Variants in BTAF1 observed in about 807,000 individuals in gnomAD.
BTAF1 encodes the protein B-TFIID TATA-box binding protein associated factor 1, also known as TATA-binding protein-associated factor 172.
In BTAF1, 38 loss-of-function variants were observed where a neutral mutation model predicts 227.1. That is an observed-to-expected ratio of 0.17 (90% CI 0.13 to 0.22). The LOEUF is 0.22. Among genes scored for constraint, BTAF1 ranks in the 10% least tolerant of loss-of-function variants. BTAF1 has a pLI of 1.00. For missense variants in BTAF1, 1,598 were observed against 2,204.0 expected (o/e 0.73, Z 5.51); for synonymous variants, 742 against 751.9 (o/e 0.99, Z 0.21).
At chr10:92,012,890 T>G (rs944704247) in intron 30 of BTAF1, among the ~76,000 whole-genome samples, 5 of 152,202 alleles carry the variant, frequency 3.3e-5, no homozygotes, top group African/African-American at 1.2e-4. Context: ...TCATAGTAAT[T>G]TAAAGTATGT....
intron 14 of BTAF1, 34 bp from the exon 15 acceptor site, chr10:91,980,420 A>T: frequency 6.8e-7 from 1 of 1,474,674 alleles, no homozygotes; most frequent in Non-Finnish European, 9.5e-7. Flanking sequence ...CAAGAATTAT[A>T]TGCTACAGCT....
At chr10:91,962,410 A>G (rs1000471533) in intron 11 of BTAF1, 128 bp from the exon 12 acceptor site, 2 of 593,696 alleles carry the variant, frequency 3.4e-6, no homozygotes, top group Non-Finnish European at 5.8e-6. Context: ...GAATGTATCC[A>G]TTGTTAAGCA....
intron 5 of BTAF1, among the ~76,000 whole-genome samples, chr10:91,953,198 T>G (rs905316824): frequency 6.6e-6 from 1 of 152,146 alleles, no homozygotes; most frequent in African/African-American, 2.4e-5. Flanking sequence ...AGGCTTGAGC[T>G]TAAAAATCTA....
Position 92,008,255 on chromosome 10 carries a change from G to T in BTAF1, c.3793G>T (p.Glu1265Ter). The T allele has an allele frequency of 6.3e-7, 1 of 1,578,750 alleles. No individual in the cohort carries two copies. Among genetic ancestry groups the T allele is most frequent in the South Asian group, 1.2e-5 (1 of 84,374 alleles). ...TAAAATTCCAGTACCAATCAATGCT[G>T]AACTCAGAAAATATCAGCAGGTAAG... ...NYKIPVPINA[E>*]LRKYQQDGVN... The change falls in exon 26 of 38, where the codon GAA becomes TAA. Residue 1265 changes from glutamate (E) to a stop codon, truncating the protein, a stop_gained. Transcript: ENST00000265990. LOFTEE classifies it high-confidence loss of function.
At chr10:91,976,326 GT>G (rs1276273910) in intron 14 of BTAF1, among the ~76,000 whole-genome samples, 1 of 152,164 alleles carries the variant, frequency 6.6e-6, no homozygotes, top group East Asian at 1.9e-4. Context: ...AAATGTAGGT[GT>G]TTTATGGAGA....
At chr10:91,999,891 A>G (rs552231566) in intron 25 of BTAF1, among the ~76,000 whole-genome samples, 2 of 152,314 alleles carry the variant, frequency 1.3e-5, no homozygotes, top group Non-Finnish European at 2.9e-5. Context: ...TGATAAAGGT[A>G]TAAAGAAAAA....
chr10:91,991,797 G>GTGTA (rs1554860529), intron 20 of BTAF1, among the ~76,000 whole-genome samples: 179 of 9,908 alleles, frequency 0.018, no homozygotes, highest in African/African-American at 0.031. Flanking sequence ...GTGTGTGTGT[G>GTGTA]TATATATATA....
At chr10:91,959,269 A>C in intron 9 of BTAF1, 115 bp downstream of exon 9, 1 of 1,531,826 alleles carries the variant, frequency 6.5e-7, no homozygotes, top group Non-Finnish European at 8.8e-7. Flanking sequence ...AATAAGAGGA[A>C]GAGATATGAA....
At position 91,951,429 on chromosome 10, in the gene BTAF1, G is replaced by A. The variant is rs200818222; in HGVS notation, c.427G>A (p.Ala143Thr). 1.2e-6 allele frequency: 2 copies of A among 1,612,558 alleles called. No homozygotes were observed. The highest frequency in any genetic ancestry group is 1.7e-6 in the Non-Finnish European group (2 of 1,179,546). ...SGEVDPKERI[A>T]RQRKLLQKKL... ...TGAAGTGGATCCTAAAGAGAGGATA[G>A]CACGCCAACGAAAATTATTACAGAA... Residue 143 changes from alanine to threonine, a missense_variant, in exon 5 of 38, where the codon GCA becomes ACA. Coordinates refer to ENST00000265990, the MANE Select transcript of BTAF1 (RefSeq NM_003972.3).
At chr10:91,986,549 GTT>G (rs11314626) in intron 19 of BTAF1, among the ~76,000 whole-genome samples, 3 of 152,020 alleles carry the variant, frequency 2.0e-5, no homozygotes, top group Non-Finnish European at 4.4e-5. Context: ...TAAAATTGCT[GTT>G]TTTTTTCCCC....
chr10:91,981,983 G>T, intron 16 of BTAF1, 100 bp from the exon 17 acceptor site: 1 of 1,419,812 alleles, frequency 7.0e-7, no homozygotes, highest in East Asian at 2.5e-5. Flanking sequence ...GAAAAGAACT[G>T]TATTTTACTG....
intron 4 of BTAF1, among the ~76,000 whole-genome samples, chr10:91,945,334 G>A (rs551641314): frequency 9.2e-5 from 14 of 151,886 alleles, no homozygotes; most frequent in Non-Finnish European, 1.5e-4. Flanking sequence ...ATCCTTAACC[G>A]TTTTTAAAAC....
rs1184729919 is a variant in BTAF1, at chr10:92,031,198, G to T, written c.*2265G>T. The stretch of plus-strand genomic sequence containing the variant: ...CAGAGATTATTAGTCTTATCATTTG[G>T]GTTTCTTGTAGGAAAATCTTAACAT... On this transcript the variant is annotated 3_prime_UTR_variant, in exon 38 of 38. Transcript: ENST00000265990. Among the ~76,000 whole-genome samples, 3 of 152,012 alleles carry T rather than the reference G, an allele frequency of 2.0e-5. No homozygotes were observed. Among genetic ancestry groups the T allele is most frequent in the African/African-American group, 7.3e-5 (3 of 41,362 alleles).
At chr10:91,986,389 G>A (rs1476449578) in intron 19 of BTAF1, among the ~76,000 whole-genome samples, 2 of 152,120 alleles carry the variant, frequency 1.3e-5, no homozygotes, top group East Asian at 1.9e-4. Flanking sequence ...GTATATATGA[G>A]TTCTTCCTTT....
chr10:91,953,790 T>G lies in BTAF1; in HGVS notation c.618T>G (p.Asn206Lys). The G allele has an allele frequency of 6.2e-7, 1 of 1,614,052 alleles. No homozygotes were observed. Among genetic ancestry groups the G allele is most frequent in the Non-Finnish European group, 8.5e-7 (1 of 1,179,954 alleles). The stretch of plus-strand genomic sequence containing the variant: ...CAGAGTTTCGAGCAGGAATGAGCAA[T>G]AGACAAAAGAACAAAGCTAAAAGAA... ...IDSEFRAGMS[N>K]RQKNKAKRMA... is the part of the protein sequence containing the mutation. The change falls in exon 6 of 38, where the codon AAT becomes AAG. Residue 206 changes from asparagine to lysine, a missense_variant. Transcript: ENST00000265990.
rs1451509769 is a variant in BTAF1, at chr10:91,996,394, A to G, written c.3335A>G (p.Tyr1112Cys). ...PLLVQHLPHL[Y>C]MCLQYPSTAV... ...TTGGTCCAGCATTTGCCACATCTTTATATGTGCCTTCAATACCCCAGTACT... is the reference window on the plus strand; with the variant it reads ...TTGGTCCAGCATTTGCCACATCTTTGTATGTGCCTTCAATACCCCAGTACT... The change falls in exon 24 of 38, where the codon TAT (tyrosine) becomes TGT (cysteine). Residue 1112 changes from tyrosine (Y) to cysteine (C), a missense_variant. This residue lies in a region of BTAF1 where 425 missense variants were observed against 491.2 expected (regional missense o/e 0.87). Transcript: ENST00000265990. 6.2e-7 allele frequency: 1 copy of G among 1,614,030 alleles called. No homozygotes were observed. The highest frequency in any genetic ancestry group is 1.3e-5 in the African/African-American group (1 of 74,934).
intron 14 of BTAF1, among the ~76,000 whole-genome samples, chr10:91,967,398 G>A (rs1276491690): frequency 6.6e-6 from 1 of 152,142 alleles, no homozygotes; most frequent in African/African-American, 2.4e-5. Flanking sequence ...AAAGTACCTA[G>A]ATTTAGGGGA....
chr10:92,024,735 T>TTTTTGTTTC, intron 34 of BTAF1, 21 bp from the exon 35 acceptor site: 14 of 1,564,164 alleles, frequency 9.0e-6, no homozygotes, highest in Non-Finnish European at 1.2e-5. Flanking sequence ...TTATGTAGTT[T>TTTTTGTTTC]TTTTTTTTTT....
chr10:91,944,946 G>A (rs902370631), intron 4 of BTAF1, among the ~76,000 whole-genome samples: 3 of 152,098 alleles, frequency 2.0e-5, no homozygotes, highest in Non-Finnish European at 4.4e-5. Context: ...CGTTACAGTT[G>A]CCTACAGTAT....
Sources: allele counts gnomAD v4.1 joint callset (sites outside exome capture counted in the v4.1 genomes callset), GRCh38; gene constraint gnomAD v4.1.1; regional missense constraint gnomAD v4.1.1; transcripts MANE v1.5; gene names NCBI Gene and HGNC (gene_info 2026-07-23, HGNC 2026-07-21).